Variants in GRM5 observed in about 807,000 individuals in gnomAD.
GRM5 encodes the protein glutamate metabotropic receptor 5.
A neutral mutation model predicts 83.1 loss-of-function variants in GRM5; 19 were observed. The observed-to-expected ratio is 0.23, with a 90% CI of 0.16 to 0.34. The LOEUF is 0.34. GRM5 is among the 10% of genes least tolerant of loss of function. The pLI is 1.00. For synonymous variants in GRM5, 675 were observed against 633.6 expected (o/e 1.07, Z -0.98); for missense variants, 1,160 against 1,588.3 (o/e 0.73, Z 4.58).
At chr11:88,658,183 G>A (rs1347587904) in intron 3 of GRM5, among the ~76,000 whole-genome samples, 1 of 152,138 alleles carries the variant, frequency 6.6e-6, no homozygotes, top group Non-Finnish European at 1.5e-5. Flanking sequence ...AGGGAGCTAG[G>A]TCGTGCGCTT....
chr11:89,056,052 C>T (rs1411436656), intron 1 of GRM5, among the ~76,000 whole-genome samples: 1 of 151,954 alleles, frequency 6.6e-6, no homozygotes, highest in African/African-American at 2.4e-5. Context: ...TATGTGTGTA[C>T]CAATATTTAA....
chr11:88,853,807 G>A (rs1006941352), intron 2 of GRM5, among the ~76,000 whole-genome samples: 1 of 151,312 alleles, frequency 6.6e-6, no homozygotes, highest in Non-Finnish European at 1.5e-5. Context: ...ATTTTATCCT[G>A]TTTTAGGGAT....
At chr11:88,886,142 A>G (rs985410985) in intron 2 of GRM5, among the ~76,000 whole-genome samples, 1 of 151,966 alleles carries the variant, frequency 6.6e-6, no homozygotes, top group Non-Finnish European at 1.5e-5. Flanking sequence ...AGTCCTTTCC[A>G]CTCAGAGACC....
At chr11:88,675,544 A>G (rs1565181955) in intron 3 of GRM5, among the ~76,000 whole-genome samples, 1 of 151,982 alleles carries the variant, frequency 6.6e-6, no homozygotes, top group South Asian at 2.1e-4. Flanking sequence ...AAATTTTGAT[A>G]TAGAAAACAA....
At chr11:88,561,621 G>A (rs190614926) in intron 8 of GRM5, among the ~76,000 whole-genome samples, 164 of 152,180 alleles carry the variant, frequency 1.1e-3, no homozygotes, top group African/African-American at 3.8e-3. Context: ...TGCCTTAAAC[G>A]GAAGCCTGGC....
chr11:89,053,110 A>C (rs566998635), intron 1 of GRM5, among the ~76,000 whole-genome samples: 4 of 152,160 alleles, frequency 2.6e-5, no homozygotes, highest in African/African-American at 9.7e-5. Flanking sequence ...CATCCAAGAG[A>C]TATAGAATCT....
chr11:88,868,166 A>G (rs1841141065), intron 2 of GRM5, among the ~76,000 whole-genome samples: 1 of 151,874 alleles, frequency 6.6e-6, no homozygotes, highest in Non-Finnish European at 1.5e-5. Context: ...CTGGCACAGG[A>G]TAGACACTCA....
chr11:88,651,274 C>T (rs541833570), intron 4 of GRM5, among the ~76,000 whole-genome samples: 7 of 151,826 alleles, frequency 4.6e-5, no homozygotes, highest in African/African-American at 1.7e-4. Flanking sequence ...CATTTCAGAC[C>T]AAAAAACAGT....
chr11:88,911,266 T>A (rs188501903), intron 2 of GRM5, among the ~76,000 whole-genome samples: 1 of 152,258 alleles, frequency 6.6e-6, no homozygotes, highest in African/African-American at 2.4e-5. Context: ...GAGAACAGAT[T>A]CATTTTTAAC....
At chr11:88,513,308 G>T (rs1186410186) in intron 9 of GRM5, among the ~76,000 whole-genome samples, 2 of 152,112 alleles carry the variant, frequency 1.3e-5, no homozygotes, top group African/African-American at 2.4e-5. Flanking sequence ...TTAGAACATG[G>T]TAGTGCTCAG....
At chr11:88,525,131 A>C (rs1212330819) in intron 9 of GRM5, among the ~76,000 whole-genome samples, 178 bp downstream of exon 9, 2 of 152,176 alleles carry the variant, frequency 1.3e-5, no homozygotes, top group East Asian at 3.9e-4. Flanking sequence ...CCATTACTAC[A>C]CATGAGGGTG....
rs543068674 is a variant in GRM5, at chr11:88,716,092, T to C, written c.912-62689A>G. On this transcript the variant is annotated intron_variant, in intron 3 of 9. Coordinates refer to ENST00000305447, the MANE Select transcript of GRM5 (RefSeq NM_001143831.3). ...AATGTATGTTTCTGCCAACAGAGCATTAAGGCAAAAAAAGGATGAGAGTTT... is the reference window on the plus strand; with the variant it reads ...AATGTATGTTTCTGCCAACAGAGCACTAAGGCAAAAAAAGGATGAGAGTTT... Among the ~76,000 whole-genome samples, 85 of 152,032 alleles carry C rather than the reference T, an allele frequency of 5.6e-4. 2 individuals are homozygous for C. The South Asian group carries it at 0.017, about 30-fold the overall frequency.
At chr11:89,048,792 A>G (rs943653259) in intron 1 of GRM5, among the ~76,000 whole-genome samples, 1 of 152,186 alleles carries the variant, frequency 6.6e-6, no homozygotes, top group Non-Finnish European at 1.5e-5. Context: ...GGAAGAGTCA[A>G]ATTAGCACCA....
At chr11:88,848,667 C>A (rs1173859955) in intron 3 of GRM5, among the ~76,000 whole-genome samples, 7 of 152,172 alleles carry the variant, frequency 4.6e-5, no homozygotes, top group Non-Finnish European at 8.8e-5. Flanking sequence ...CAGAAGTGCA[C>A]CTCATTCACA....
At chr11:88,641,764 A>C (rs192529345) in intron 4 of GRM5, among the ~76,000 whole-genome samples, 1 of 152,318 alleles carries the variant, frequency 6.6e-6, no homozygotes, top group Admixed American at 6.5e-5. Context: ...ATGTGGGTGC[A>C]AGGGGTGGGC....
At chr11:88,925,173 T>C (rs1269401683) in intron 2 of GRM5, among the ~76,000 whole-genome samples, 1 of 152,006 alleles carries the variant, frequency 6.6e-6, no homozygotes, top group Non-Finnish European at 1.5e-5. Context: ...AGCTCAACAG[T>C]GTCATGATTT....
At chr11:88,906,080 T>C (rs1031974845) in intron 2 of GRM5, among the ~76,000 whole-genome samples, 2 of 152,204 alleles carry the variant, frequency 1.3e-5, no homozygotes, top group African/African-American at 4.8e-5. Context: ...CTGAGTTATA[T>C]TGGTTACCTT....
intron 2 of GRM5, among the ~76,000 whole-genome samples, chr11:88,948,673 C>T (rs1938359326): frequency 6.6e-6 from 1 of 152,148 alleles, no homozygotes; most frequent in Non-Finnish European, 1.5e-5. Context: ...TGCACACACC[C>T]TTTTTATTTT....
chr11:88,821,877 C>T (rs1342870354), intron 3 of GRM5, among the ~76,000 whole-genome samples: 1 of 152,078 alleles, frequency 6.6e-6, no homozygotes. Context: ...GAGCTAGGCC[C>T]TCAATACATT....
Sources: allele counts gnomAD v4.1 joint callset (sites outside exome capture counted in the v4.1 genomes callset), GRCh38; gene constraint gnomAD v4.1.1; transcripts MANE v1.5; gene names NCBI Gene and HGNC (gene_info 2026-07-23, HGNC 2026-07-21).